The following AGL variants were observed in gnomAD, a reference collection of about 807,000 sequenced individuals.
AGL encodes glycogen debranching enzyme.
In AGL, 128 loss-of-function variants were observed where a neutral mutation model predicts 199.3. The observed-to-expected ratio is 0.64, with a 90% CI of 0.56 to 0.74. AGL has a LOEUF of 0.74. AGL is among the 30% of genes least tolerant of loss of function. AGL has a pLI of 0.00. For synonymous variants in AGL, 584 were observed against 594.7 expected, an observed-to-expected ratio of 0.98 and a Z score of 0.26; for missense variants, 1,809 against 1,820.8, an observed-to-expected ratio of 0.99 and a Z score of 0.12.
intron 27 of AGL, among the ~76,000 whole-genome samples, chr1:99,907,686 G>GTTTTTTTTTTTTTT (rs1238445536): frequency 9.4e-4 from 56 of 59,818 alleles, no homozygotes; most frequent in African/African-American, 2.7e-3. Context: ...GTTTGTTTTT[G>GTTTTTTTTTTTTTT]TTTTTTGTTT....
intron 24 of AGL, among the ~76,000 whole-genome samples, chr1:99,893,444 A>G (rs1653062175): frequency 6.6e-6 from 1 of 152,174 alleles, no homozygotes; most frequent in African/African-American, 2.4e-5. Flanking sequence ...TGACTGTTTG[A>G]TCTCCTGGTA....
rs775012924 is a variant in AGL, at chr1:99,851,103, A to G, written c.61A>G (p.Thr21Ala). 2 of 1,613,972 alleles carry G rather than the reference A, an allele frequency of 1.2e-6. No homozygotes were observed. Among genetic ancestry groups the G allele is most frequent in the East Asian group, 2.2e-5 (1 of 44,850 alleles). ...GAACGAAATGGAGAAACTGGAAAAG[A>G]CCCTCTTCAGACTTGAACAAGGTCA... The part of the protein sequence containing the change: ...LLNEMEKLEK[T>A]LFRLEQGYEL... Residue 21 changes from threonine (T) to alanine (A), a missense_variant, in exon 2 of 34, where the codon ACC (threonine) becomes GCC (alanine). Physicochemically the swap from Thr to Ala is moderately conservative, Grantham distance 58 (BLOSUM62 0). Transcript: ENST00000361915.
chr1:99,870,508 C>T lies in AGL; in HGVS notation c.773C>T (p.Ser258Phe). ...TTAGACAGAGCACTTTGGCGTTTCT[C>T]CTGTGATGTTGCAGAAGGGAAATAC... is the stretch of plus-strand genomic sequence containing the variant. ...WVLDRALWRF[S>F]CDVAEGKYKE... Residue 258 changes from serine to phenylalanine, a missense_variant, in exon 6 of 34, where the codon TCC (serine) becomes TTC (phenylalanine). Ser to Phe is a radical substitution (Grantham distance 155, BLOSUM62 -2). Coordinates refer to ENST00000361915, the MANE Select transcript of AGL (RefSeq NM_000642.3). The T allele has an allele frequency of 1.2e-6, 2 of 1,614,008 alleles. No homozygotes were observed. The highest frequency in any genetic ancestry group is 1.7e-6 in the Non-Finnish European group (2 of 1,179,962).
chr1:99,849,753 A>C (rs1192420016), upstream of AGL, among the ~76,000 whole-genome samples: 1 of 152,230 alleles, frequency 6.6e-6, no homozygotes, highest in Non-Finnish European at 1.5e-5. Flanking sequence ...AAATTATCAA[A>C]ACAAAGAAAC....
chr1:99,900,487 T>C (rs748039422), intron 25 of AGL, 149 bp from the exon 26 acceptor site: 32 of 729,280 alleles, frequency 4.4e-5, no homozygotes, highest in Non-Finnish European at 7.2e-5. Flanking sequence ...TACTCTATCA[T>C]ACTATGACTA....
intron 30 of AGL, among the ~76,000 whole-genome samples, chr1:99,914,163 A>G (rs1158343659): frequency 2.6e-5 from 4 of 152,208 alleles, no homozygotes; most frequent in Non-Finnish European, 4.4e-5. Context: ...GTATAGCACA[A>G]TAGGTTACAT....
intron 31 of AGL, 58 bp downstream of exon 31, chr1:99,915,544 T>A: frequency 1.1e-5 from 14 of 1,307,930 alleles, no homozygotes; most frequent in Non-Finnish European, 1.5e-5. Context: ...TACATTGACA[T>A]CAACCATAAT....
At chr1:99,855,965 A>G (rs1307267653) in intron 2 of AGL, among the ~76,000 whole-genome samples, 1 of 152,206 alleles carries the variant, frequency 6.6e-6, no homozygotes, top group African/African-American at 2.4e-5. Flanking sequence ...AATTGAGTGG[A>G]GGGGAAAAGA....
Position 99,900,922 on chromosome 1 carries a change from A to C in AGL, c.3588+61A>C, listed in dbSNP as rs1315051561. On this transcript the variant is annotated intron_variant, in intron 26 of 33. Coordinates refer to ENST00000361915, the MANE Select transcript of AGL (RefSeq NM_000642.3). ...TTTTTTTTTCTGAAAAATGACTTTT[A>C]GTTTCTAATGTAAAAATAAGGGTAA... 1.1e-5 allele frequency: 15 copies of C among 1,371,388 alleles called. No individual in the cohort carries two copies. In the East Asian group the frequency reaches 1.9e-4, roughly 17 times the overall value. The allele number at this position is 1,371,388 out of a possible 1,614,324, so 85.0% of individuals were successfully genotyped here.
rs2100788410 is a variant in AGL at position 99,891,251 on chromosome 1, A to T, written c.2844A>T (p.Pro948=). Residue 948 remains proline (P), a synonymous_variant, in exon 22 of 34, where the codon CCA becomes CCT. Coordinates refer to ENST00000361915, the MANE Select transcript of AGL (RefSeq NM_000642.3). ...TGTCTGTATTGGCAGAAATAAGACC[A>T]AAGAATGACTTGGGGCATCCTTTTT... ...GLMSVLAEIR[P]KNDLGHPFCN... 6.2e-7 allele frequency: 1 copy of T among 1,613,738 alleles called. No homozygotes were observed. The highest frequency in any genetic ancestry group is 1.3e-5 in the African/African-American group (1 of 75,054).
intron 27 of AGL, among the ~76,000 whole-genome samples, chr1:99,904,722 C>T (rs1040259416): frequency 2.0e-5 from 3 of 152,192 alleles, no homozygotes; most frequent in African/African-American, 7.2e-5. Flanking sequence ...TCTATATAAC[C>T]TTCTGAGATT....
chr1:99,856,326 T>C (rs6674610), intron 2 of AGL, among the ~76,000 whole-genome samples: 512 of 48,230 alleles, frequency 0.011, 4 homozygotes, highest in East Asian at 0.027. Context: ...CTCCCTTCCT[T>C]CCTCCCTCCC....
intron 21 of AGL, among the ~76,000 whole-genome samples, chr1:99,889,810 C>G (rs188823133): frequency 5.9e-5 from 9 of 152,124 alleles, no homozygotes; most frequent in Non-Finnish European, 1.2e-4. Flanking sequence ...CTTATCTTTT[C>G]TAAATAGAAT....
chr1:99,878,385 T>C (rs1421294804), intron 12 of AGL, among the ~76,000 whole-genome samples: 1 of 151,892 alleles, frequency 6.6e-6, no homozygotes. Flanking sequence ...AAATAAACAT[T>C]AACATTATAG....
intron 17 of AGL, among the ~76,000 whole-genome samples, chr1:99,883,029 ATCATTCTTAAAACATTTCCACT>A (rs762277371): frequency 4.5e-4 from 68 of 152,288 alleles, no homozygotes; most frequent in Admixed American, 2.0e-3. Context: ...TTGGTCACAG[ATCATTCTTAAAACATTTCCACT>A]TCAGTCCGCA....
At chr1:99,850,526 C>T (rs530809457) in intron 1 of AGL, 111 bp downstream of exon 1, 8 of 162,774 alleles carry the variant, frequency 4.9e-5, no homozygotes, top group Non-Finnish European at 6.7e-5. Flanking sequence ...ACAACTGCTT[C>T]CCTCTGTTCT....
intron 10 of AGL, 70 bp from the exon 11 acceptor site, chr1:99,876,388 A>C: frequency 8.3e-7 from 1 of 1,200,722 alleles, no homozygotes; most frequent in Non-Finnish European, 1.2e-6. Flanking sequence ...TTTAGTTTTA[A>C]TATTGCAAAT....
At chr1:99,868,825 C>CTTT (rs374175804) in intron 5 of AGL, among the ~76,000 whole-genome samples, 1,897 of 135,482 alleles carry the variant, frequency 0.014, 32 homozygotes, top group Middle Eastern at 0.08. Flanking sequence ...GGTATTTACT[C>CTTT]TTTTTTTTTT....
At chr1:99,860,315 A>T (rs963564418) in intron 2 of AGL, among the ~76,000 whole-genome samples, 1 of 151,836 alleles carries the variant, frequency 6.6e-6, no homozygotes, top group Non-Finnish European at 1.5e-5. Context: ...CCTCTCAAAG[A>T]AATTCCTTAG....
Sources: allele counts gnomAD v4.1 joint callset (sites outside exome capture counted in the v4.1 genomes callset), GRCh38; gene constraint gnomAD v4.1.1; transcripts MANE v1.5; gene names NCBI Gene and HGNC (gene_info 2026-07-23, HGNC 2026-07-21).